ZNF391: variants seen among roughly 807,000 people sequenced by gnomAD.
ZNF391 encodes zinc finger protein 391.
For missense variants in ZNF391, 375 were observed against 425.5 expected (o/e 0.88, Z 1.04); for synonymous variants, 126 against 142.1 (o/e 0.89, Z 0.80).
Position 27,402,169 on chromosome 6 carries a change from T to C in ZNF391, c.*722T>C, listed in dbSNP as rs1439776106. On this transcript the variant is annotated 3_prime_UTR_variant, in exon 3 of 3. Coordinates refer to ENST00000244576, the MANE Select transcript of ZNF391 (RefSeq NM_001076781.3). ...ATTTTTACCAAGAATGTTCTAAAAATCTTGGAGACGTTCCTCCATGATCTT... is the reference window on the plus strand; with the variant it reads ...ATTTTTACCAAGAATGTTCTAAAAACCTTGGAGACGTTCCTCCATGATCTT... 1 of 152,206 alleles carries C rather than the reference T, an allele frequency of 6.6e-6. No individual in the cohort carries two copies. Among genetic ancestry groups the C allele is most frequent in the East Asian group, 1.9e-4 (1 of 5,200 alleles). The allele number at this position is 152,206 out of a possible 1,614,324, so 9.4% of individuals were successfully genotyped here.
At chr6:27,395,947 T>G (rs1227848632) in intron 1 of ZNF391, among the ~76,000 whole-genome samples, 2 of 152,218 alleles carry the variant, frequency 1.3e-5, no homozygotes, top group Non-Finnish European at 2.9e-5. Flanking sequence ...TATGGCAGTA[T>G]GGGTATTCTC....
At chr6:27,389,377 C>G (rs1300908816) in intron 1 of ZNF391, 4 of 455,310 alleles carry the variant, frequency 8.8e-6, no homozygotes, top group Non-Finnish European at 1.3e-5. Flanking sequence ...TGGGGTGTTT[C>G]CCAGGTGCTT....
intron 1 of ZNF391, among the ~76,000 whole-genome samples, chr6:27,396,748 G>A (rs958642041): frequency 6.6e-6 from 1 of 152,044 alleles, no homozygotes; most frequent in Admixed American, 6.6e-5. Context: ...GAAAAAAAAT[G>A]TATATTTCCT....
At chr6:27,398,756 G>T (rs1048488344) in intron 1 of ZNF391, among the ~76,000 whole-genome samples, 1 of 152,140 alleles carries the variant, frequency 6.6e-6, no homozygotes, top group African/African-American at 2.4e-5. Flanking sequence ...CTACTCGGGA[G>T]GCTGAGGCAG....
intron 1 of ZNF391, among the ~76,000 whole-genome samples, chr6:27,390,635 A>G (rs1479312554): frequency 2.0e-5 from 3 of 152,198 alleles, no homozygotes. Context: ...AAAGCCAGGA[A>G]AAAGAATGCA....
Position 27,401,424 on chromosome 6 carries a change from C to G in ZNF391, c.1054C>G (p.Gln352Glu). ...TCAGAGTTCAACTCTGATCAGACATCAGCACCTTCATACTAAAGAGTAATA... is the reference window on the plus strand; with the variant it reads ...TCAGAGTTCAACTCTGATCAGACATGAGCACCTTCATACTAAAGAGTAATA... ...FCQSSTLIRHQHLHTKE is the reference protein window; with the variant it reads ...FCQSSTLIRHEHLHTKE Residue 352 changes from glutamine to glutamate, a missense_variant, in exon 3 of 3, where the codon CAG (glutamine) becomes GAG (glutamate). Gln to Glu is a conservative substitution (Grantham distance 29). Transcript: ENST00000244576. 6.2e-7 allele frequency: 1 copy of G among 1,609,136 alleles called. No individual in the cohort carries two copies. Among genetic ancestry groups the G allele is most frequent in the Non-Finnish European group, 8.5e-7 (1 of 1,179,280 alleles).
At position 27,389,405 on chromosome 6, in the gene ZNF391, C is replaced by T. The variant is rs958106967; in HGVS notation, c.-188+330C>T. Reference sequence around the variant, plus strand: ...AGGTGCTTACTGAGTGCAGGCACTGCTCCAAGAGTTTTTACCTGCATTAAC... The same window carrying T: ...AGGTGCTTACTGAGTGCAGGCACTGTTCCAAGAGTTTTTACCTGCATTAAC... On this transcript the variant is annotated intron_variant, in intron 1 of 2. Transcript: ENST00000244576. The T allele has an allele frequency of 3.7e-5, 17 of 456,220 alleles. No individual in the cohort carries two copies. In the Admixed American group the frequency reaches 4.0e-4, roughly 11 times the overall value. The allele number at this position is 456,220 out of a possible 1,614,324, so 28.3% of individuals were successfully genotyped here.
intron 1 of ZNF391, chr6:27,389,327 C>G (rs1010142606): frequency 2.2e-6 from 1 of 454,710 alleles, no homozygotes; most frequent in Non-Finnish European, 4.4e-6. Flanking sequence ...AGGGTTGCTC[C>G]CTGCTTCCCC....
rs185564061 is a variant in ZNF391, at chr6:27,401,210, T to C, written c.840T>C (p.Ser280=). The C allele has an allele frequency of 2.4e-5, 39 of 1,614,116 alleles. 1 individual carries two copies. The highest frequency in any genetic ancestry group is 2.0e-4 in the Admixed American group (12 of 60,022). The change falls in exon 3 of 3, where the codon AGT becomes AGC. Residue 280 remains serine (S), a synonymous_variant. Transcript: ENST00000244576. ...THTGENPYEC[S]ECGKVFSRSS... is the part of the protein sequence containing the mutation. ...CTGGGGAGAACCCCTATGAGTGCAG[T>C]GAATGTGGGAAAGTGTTCAGTCGAA...
upstream of ZNF391, among the ~76,000 whole-genome samples, chr6:27,388,548 G>A (rs1261522445): frequency 6.6e-6 from 1 of 152,206 alleles, no homozygotes; most frequent in African/African-American, 2.4e-5. Context: ...ACCGGTCTAG[G>A]CTATACTTTG....
chr6:27,382,296 G>A (rs1239711963), intron 1 of ZNF391, among the ~76,000 whole-genome samples: 1 of 152,004 alleles, frequency 6.6e-6, no homozygotes. Flanking sequence ...GGAGGTTGCA[G>A]TGAGCTGAGA....
At chr6:27,390,367 G>A (rs990734836) in intron 1 of ZNF391, among the ~76,000 whole-genome samples, 1 of 152,208 alleles carries the variant, frequency 6.6e-6, no homozygotes, top group African/African-American at 2.4e-5. Flanking sequence ...AGCATGTTGT[G>A]ACCACTTAAG....
Position 27,400,616 on chromosome 6 carries a change from A to T in ZNF391, c.246A>T (p.Gly82=). ...DAQQKIPKGH[G]SPISRKNSKD... is the part of the protein sequence containing the mutation. Reference sequence around the variant, plus strand: ...AACAGAAAATTCCAAAGGGACATGGATCCCCAATATCTAGGAAAAACTCCA... The same window carrying T: ...AACAGAAAATTCCAAAGGGACATGGTTCCCCAATATCTAGGAAAAACTCCA... Residue 82 remains glycine (G), a synonymous_variant, in exon 3 of 3, where the codon GGA becomes GGT. Transcript: ENST00000244576. 1 of 1,614,202 alleles carries T rather than the reference A, an allele frequency of 6.2e-7. No homozygotes were observed. The highest frequency in any genetic ancestry group is 8.5e-7 in the Non-Finnish European group (1 of 1,180,032).
intron 1 of ZNF391, among the ~76,000 whole-genome samples, chr6:27,383,317 A>G (rs576442144): frequency 6.6e-6 from 1 of 152,186 alleles, no homozygotes; most frequent in South Asian, 2.1e-4. Flanking sequence ...TATTTGAAAC[A>G]GTAATGACTG....
At chr6:27,378,442 T>C (rs1985818) in intron 1 of ZNF391, among the ~76,000 whole-genome samples, 119,096 of 150,924 alleles carry the variant, frequency 0.79, 47,509 homozygotes, top group African/African-American at 0.9. Context: ...TGTTCTCTGG[T>C]GAGCAGGGGT....
chr6:27,390,836 G>A (rs181842991), intron 1 of ZNF391: 4 of 152,338 alleles, frequency 2.6e-5, no homozygotes, highest in Admixed American at 2.6e-4. Context: ...TTAACTTGCA[G>A]TATTGATGAA....
intron 1 of ZNF391, among the ~76,000 whole-genome samples, chr6:27,380,780 A>T (rs2113638025): frequency 6.7e-6 from 1 of 149,804 alleles, no homozygotes; most frequent in South Asian, 2.2e-4. Context: ...GATTAGCTAG[A>T]TACAGAGGGT....
rs1761634776 is a variant in ZNF391, at chr6:27,388,937, G to A, written c.-326G>A. 2.2e-6 allele frequency: 1 copy of A among 456,316 alleles called. No individual in the cohort carries two copies. The highest frequency in any genetic ancestry group is 2.0e-5 in the African/African-American group (1 of 50,042). The allele number at this position is 456,316 out of a possible 1,614,324, so 28.3% of individuals were successfully genotyped here. On this transcript the variant is annotated 5_prime_UTR_variant, in exon 1 of 3. Coordinates refer to ENST00000244576, the MANE Select transcript of ZNF391 (RefSeq NM_001076781.3). Reference sequence around the variant, plus strand: ...GTTGGAGCAGCGGTTCGACGCATGGGTTTCTCTTTAATCCTTCCGACTTCC... The same window carrying A: ...GTTGGAGCAGCGGTTCGACGCATGGATTTCTCTTTAATCCTTCCGACTTCC...
rs752102795 is a variant in ZNF391 at position 27,401,354 on chromosome 6, C to T, written c.984C>T (p.Thr328=). 14 of 1,613,908 alleles carry T rather than the reference C, an allele frequency of 8.7e-6. No individual in the cohort carries two copies. The East Asian group carries it at 8.9e-5, about 10-fold the overall frequency. Residue 328 remains threonine (T), a synonymous_variant, in exon 3 of 3, where the codon ACC becomes ACT. Transcript: ENST00000244576. ...TTATTATTCATCAGAGAACTCATAC[C>T]GGGGAGAAGCCGTACAAATGTAATG... ...SSLIIHQRTH[T]GEKPYKCNDC...
Sources: gnomAD v4.1 joint callset for allele counts (sites outside exome capture counted in the v4.1 genomes callset) on GRCh38, gnomAD v4.1.1 for gene constraint, MANE v1.5 for transcripts, NCBI Gene and HGNC (gene_info 2026-07-23, HGNC 2026-07-21) for gene names.